Variants in RAB32 observed in about 807,000 individuals in gnomAD.
The protein encoded by RAB32 is ras-related protein Rab-32.
RAB32 carries 17 observed loss-of-function variants against 17.5 expected under a neutral mutation model. The observed-to-expected ratio is 0.97, with a 90% CI of 0.67 to 1.46. The LOEUF is 1.46. Ranked by LOEUF, RAB32 falls within the 40% of genes most tolerant of loss-of-function variation. The pLI is 0.00. For synonymous variants in RAB32, 115 were observed against 111.1 expected (o/e 1.04, Z -0.22); for missense variants, 288 against 284.3 (o/e 1.01, Z -0.09).
intron 2 of RAB32, among the ~76,000 whole-genome samples, chr6:146,552,982 C>T (rs1181309687): frequency 6.6e-6 from 1 of 152,156 alleles, no homozygotes; most frequent in Non-Finnish European, 1.5e-5. Flanking sequence ...ATGGGTTCAA[C>T]TTATAGAGTA....
chr6:146,544,346 G>A (rs775845861), intron 1 of RAB32, among the ~76,000 whole-genome samples: 1 of 152,122 alleles, frequency 6.6e-6, no homozygotes, highest in East Asian at 1.9e-4. Flanking sequence ...CTGCACGCCA[G>A]AGCTCGCTCT....
Position 146,549,583 on chromosome 6 carries a change from C to A in RAB32, c.370C>A (p.Leu124Met). The stretch of plus-strand genomic sequence containing the variant: ...GGCAGTCTTAAAATGGAAAAGTGAT[C>A]TGGATAGTAAAGTTCATCTTCCAAA... ...FEAVLKWKSD[L>M]DSKVHLPNGS... The change falls in exon 2 of 3, where the codon CTG (leucine) becomes ATG (methionine). Residue 124 changes from leucine (L) to methionine (M), a missense_variant. Transcript: ENST00000367495. 6.2e-7 allele frequency: 1 copy of A among 1,614,130 alleles called. No homozygotes were observed. The highest frequency in any genetic ancestry group is 8.5e-7 in the Non-Finnish European group (1 of 1,180,014).
In RAB32 at chr6:146,544,298, C is replaced by T. The variant is rs73586067; in HGVS notation, c.250+177C>T. Among the ~76,000 whole-genome samples, 758 of 152,124 alleles carry T rather than the reference C, an allele frequency of 5.0e-3. 1 individual carries two copies. Among genetic ancestry groups the T allele is most frequent in the African/African-American group, 0.017 (686 of 41,510 alleles). ...CGCGGTCGGCTGGACTCGGTGGGGC[C>T]CAGAGGATGGGATGGGCAGTAGGAG... On this transcript the variant is annotated intron_variant, in intron 1 of 2. Coordinates refer to ENST00000367495, the MANE Select transcript of RAB32 (RefSeq NM_006834.5).
Position 146,554,498 on chromosome 6 carries a change from A to G in RAB32, c.571A>G (p.Lys191Glu), listed in dbSNP as rs1426224150. 6.2e-7 allele frequency: 1 copy of G among 1,613,724 alleles called. No individual in the cohort carries two copies. The highest frequency in any genetic ancestry group is 1.1e-5 in the South Asian group (1 of 91,028). The change falls in exon 3 of 3, where the codon AAG becomes GAG. Residue 191 changes from lysine to glutamate, a missense_variant. By Grantham distance (56) the Lys-to-Glu change is moderately conservative (BLOSUM62 1). Coordinates refer to ENST00000367495, the MANE Select transcript of RAB32 (RefSeq NM_006834.5). ...IEEAARFLVE[K>E]ILVNHQSFPN... ...GGAAGCTGCCCGGTTCCTAGTGGAGAAGATTCTTGTAAACCACCAAAGCTT... is the reference window on the plus strand; with the variant it reads ...GGAAGCTGCCCGGTTCCTAGTGGAGGAGATTCTTGTAAACCACCAAAGCTT...
intron 2 of RAB32, among the ~76,000 whole-genome samples, chr6:146,551,425 G>A (rs1221640325): frequency 1.3e-5 from 2 of 151,950 alleles, no homozygotes; most frequent in African/African-American, 2.4e-5. Context: ...GAATTTTGCC[G>A]TGTTGCCCAG....
intron 1 of RAB32, among the ~76,000 whole-genome samples, chr6:146,545,826 G>A (rs535653662): frequency 2.6e-4 from 40 of 152,222 alleles, no homozygotes; most frequent in Admixed American, 2.4e-3. Context: ...ACCATGTGAC[G>A]GTCATTCTCC....
chr6:146,554,947 A>T lies in RAB32; in HGVS notation c.*342A>T. ...AGTGCTGGGGTGGTAATAAAATGTTACCTCCAGTCTTATGGTCATTTTGAG... is the reference window on the plus strand; with the variant it reads ...AGTGCTGGGGTGGTAATAAAATGTTTCCTCCAGTCTTATGGTCATTTTGAG... On this transcript the variant is annotated 3_prime_UTR_variant, in exon 3 of 3. Coordinates refer to ENST00000367495, the MANE Select transcript of RAB32 (RefSeq NM_006834.5). 5.7e-6 allele frequency: 1 copy of T among 174,328 alleles called. No individual in the cohort carries two copies. The highest frequency in any genetic ancestry group is 1.2e-5 in the Non-Finnish European group (1 of 82,518). 10.8% of individuals were successfully genotyped at this position (174,328 alleles called of 1,614,324 possible).
intron 2 of RAB32, among the ~76,000 whole-genome samples, chr6:146,550,555 G>A (rs932438338): frequency 1.3e-5 from 2 of 151,606 alleles, no homozygotes; most frequent in Admixed American, 6.6e-5. Flanking sequence ...TTCTCGGGAG[G>A]CTAAGGCAGG....
Position 146,549,674 on chromosome 6 carries a change from G to A in RAB32, c.461G>A (p.Ser154Asn). The A allele has an allele frequency of 6.2e-7, 1 of 1,614,226 alleles. No homozygotes were observed. The highest frequency in any genetic ancestry group is 1.1e-5 in the South Asian group (1 of 91,092). Residue 154 changes from serine to asparagine, a missense_variant, in exon 2 of 3, where the codon AGT (serine) becomes AAT (asparagine). Physicochemically the swap from Ser to Asn is conservative, Grantham distance 46. Transcript: ENST00000367495. ...GACCAGAACAAGGACAGTAGCCAGAGTCCTTCCCAGGTGGACCAATTCTGC... is the reference window on the plus strand; with the variant it reads ...GACCAGAACAAGGACAGTAGCCAGAATCCTTCCCAGGTGGACCAATTCTGC... ...KCDQNKDSSQSPSQVDQFCKE... is the reference protein window; with the variant it reads ...KCDQNKDSSQNPSQVDQFCKE...
intron 2 of RAB32, 80 bp from the exon 3 acceptor site, chr6:146,554,376 T>A: frequency 6.3e-6 from 9 of 1,422,052 alleles, no homozygotes; most frequent in Non-Finnish European, 8.4e-6. Flanking sequence ...CAAATTTTCC[T>A]GGTCCCATTC....
At position 146,549,583 on chromosome 6, in the gene RAB32, C is replaced by G. The variant is rs748027710; in HGVS notation, c.370C>G (p.Leu124Val). 10 of 1,614,130 alleles carry G rather than the reference C, an allele frequency of 6.2e-6. No homozygotes were observed. In the South Asian group the frequency reaches 1.1e-4, roughly 18 times the overall value. The change falls in exon 2 of 3, where the codon CTG becomes GTG. Residue 124 changes from leucine (L) to valine (V), a missense_variant. Transcript: ENST00000367495. ...GGCAGTCTTAAAATGGAAAAGTGAT[C>G]TGGATAGTAAAGTTCATCTTCCAAA... ...FEAVLKWKSDLDSKVHLPNGS... is the reference protein window; with the variant it reads ...FEAVLKWKSDVDSKVHLPNGS...
chr6:146,549,793 G>A (rs764975349), intron 2 of RAB32, 52 bp downstream of exon 2: 11 of 1,554,398 alleles, frequency 7.1e-6, no homozygotes, highest in Middle Eastern at 3.5e-4. Context: ...ATAATTCTGA[G>A]CTGTAAATGT....
At position 146,554,856 on chromosome 6, in the gene RAB32, T is replaced by C. The variant is rs1390244832; in HGVS notation, c.*251T>C. ...TATGGAAGATAATGTTTACATCCTT[T>C]TAAACATTTTTATATGACAATTCCT... On this transcript the variant is annotated 3_prime_UTR_variant, in exon 3 of 3. Transcript: ENST00000367495. The C allele has an allele frequency of 6.2e-6, 2 of 324,104 alleles. No individual in the cohort carries two copies. Among genetic ancestry groups the C allele is most frequent in the Middle Eastern group, 8.4e-4 (1 of 1,186 alleles). 20.1% of individuals were successfully genotyped at this position (324,104 alleles called of 1,614,324 possible). A position where few individuals can be genotyped will look rare whatever the true frequency, so the allele number is the denominator to read the frequency against.
chr6:146,548,525 A>G (rs972503307), intron 1 of RAB32, among the ~76,000 whole-genome samples: 1 of 152,174 alleles, frequency 6.6e-6, no homozygotes, highest in Admixed American at 6.5e-5. Context: ...TTTTTCCTTC[A>G]CACTGTAGTC....
chr6:146,545,795 A>G (rs1368872773), intron 1 of RAB32, among the ~76,000 whole-genome samples: 1 of 152,216 alleles, frequency 6.6e-6, no homozygotes, highest in African/African-American at 2.4e-5. Flanking sequence ...TGACAAAGTC[A>G]TGGATTCTAA....
chr6:146,554,342 C>A, intron 2 of RAB32, 114 bp from the exon 3 acceptor site: 1 of 941,916 alleles, frequency 1.1e-6, no homozygotes, highest in Non-Finnish European at 1.6e-6. Flanking sequence ...AGGAAAGTGG[C>A]TGTGCACTTG....
intron 1 of RAB32, among the ~76,000 whole-genome samples, chr6:146,548,163 G>T (rs1227148282): frequency 6.6e-6 from 1 of 151,944 alleles, no homozygotes. Flanking sequence ...TAATAGTAGG[G>T]TTTCATATGT....
intron 2 of RAB32, among the ~76,000 whole-genome samples, chr6:146,554,103 A>ATT (rs1779929163): frequency 6.6e-6 from 1 of 152,170 alleles, no homozygotes; most frequent in African/African-American, 2.4e-5. Flanking sequence ...TGCTTGAATT[A>ATT]GATATTCAAG....
At chr6:146,548,810 C>A (rs1269489856) in intron 1 of RAB32, among the ~76,000 whole-genome samples, 1 of 152,214 alleles carries the variant, frequency 6.6e-6, no homozygotes, top group African/African-American at 2.4e-5. Flanking sequence ...AAGTGTTTGA[C>A]ATAAATTATT....
Sources: gnomAD v4.1 joint callset for allele counts (sites outside exome capture counted in the v4.1 genomes callset) on GRCh38, gnomAD v4.1.1 for gene constraint, MANE v1.5 for transcripts, NCBI Gene and HGNC (gene_info 2026-07-23, HGNC 2026-07-21) for gene names.